Variants in DAB1 observed in about 807,000 individuals in gnomAD.
DAB1 encodes DAB adaptor protein 1.
A neutral mutation model predicts 64.6 loss-of-function variants in DAB1; 15 were observed. The observed-to-expected ratio is 0.23, with a 90% CI of 0.16 to 0.36. DAB1 has a LOEUF of 0.36. Among genes scored for constraint, DAB1 ranks in the 10% least tolerant of loss-of-function variants. DAB1 has a pLI of 1.00. For synonymous variants in DAB1, 235 were observed against 251.9 expected, an observed-to-expected ratio of 0.93 and a Z score of 0.64; for missense variants, 596 against 706.7, an observed-to-expected ratio of 0.84 and a Z score of 1.78.
At chr1:57,201,694 T>G (rs1400759117) in intron 2 of DAB1, among the ~76,000 whole-genome samples, 2 of 152,120 alleles carry the variant, frequency 1.3e-5, no homozygotes, top group Non-Finnish European at 1.5e-5. Flanking sequence ...GAACATAGTA[T>G]TTTCTCCCAA....
chr1:57,887,632 T>C (rs1644243822), upstream of DAB1, among the ~76,000 whole-genome samples: 1 of 152,202 alleles, frequency 6.6e-6, no homozygotes, highest in Admixed American at 6.5e-5. Context: ...TGCAAAATGA[T>C]AGAATCACCA....
At chr1:57,411,867 G>GT (rs1684140537) in intron 1 of DAB1, among the ~76,000 whole-genome samples, 1 of 152,306 alleles carries the variant, frequency 6.6e-6, no homozygotes, top group Non-Finnish European at 1.5e-5. Context: ...GAAGCACCTA[G>GT]TACAGACATA....
chr1:58,473,928 A>G (rs1225561315), intron 3 of DAB1: 37 of 1,210,002 alleles, frequency 3.1e-5, no homozygotes, highest in Non-Finnish European at 3.8e-5. Flanking sequence ...TAACTCTGCA[A>G]TCTGTTCTGG....
At position 57,291,085 on chromosome 1, in the gene DAB1, T is replaced by C. The variant is rs1330377933; in HGVS notation, c.-55A>G. ...GATCCCGGGCCTCGGCCAGGCTCAT[T>C]GAGGACTCTTCTCCAAGAGAAAGAC... On this transcript the variant is annotated 5_prime_UTR_variant, in exon 2 of 15. Transcript: ENST00000371236. 4.1e-6 allele frequency: 5 copies of C among 1,230,818 alleles called. No homozygotes were observed. The African/African-American group carries it at 7.6e-5, about 19-fold the overall frequency. 76.2% of individuals were successfully genotyped at this position (1,230,818 alleles called of 1,614,324 possible).
intron 4 of DAB1, among the ~76,000 whole-genome samples, chr1:58,188,278 G>A (rs1015677509): frequency 6.6e-6 from 1 of 152,196 alleles, no homozygotes; most frequent in Non-Finnish European, 1.5e-5. Context: ...ATCATACGCG[G>A]CTAGTATTCA....
At chr1:58,087,795 C>T (rs778095212) in intron 5 of DAB1, among the ~76,000 whole-genome samples, 7 of 152,192 alleles carry the variant, frequency 4.6e-5, no homozygotes, top group Non-Finnish European at 7.3e-5. Context: ...GCCTACGTAA[C>T]GACATCTATG....
chr1:57,250,486 T>A (rs2100516318), intron 2 of DAB1, among the ~76,000 whole-genome samples: 1 of 152,334 alleles, frequency 6.6e-6, no homozygotes, highest in African/African-American at 2.4e-5. Flanking sequence ...CCTTCCTCTA[T>A]CACATTATAA....
chr1:58,214,407 G>A (rs1247214388), intron 4 of DAB1, among the ~76,000 whole-genome samples: 2 of 152,160 alleles, frequency 1.3e-5, no homozygotes, highest in African/African-American at 2.4e-5. Flanking sequence ...GGCTGCACTT[G>A]GAGCTAAAAG....
chr1:57,617,291 G>T (rs531225619), intron 7 of DAB1, among the ~76,000 whole-genome samples: 1 of 152,182 alleles, frequency 6.6e-6, no homozygotes, highest in South Asian at 2.1e-4. Flanking sequence ...CAGTGTACGA[G>T]AGGTTAGCCC....
intron 11 of DAB1, among the ~76,000 whole-genome samples, chr1:57,022,857 A>G (rs1021488196): frequency 5.9e-5 from 9 of 152,280 alleles, no homozygotes; most frequent in Non-Finnish European, 1.2e-4. Flanking sequence ...GCCTGGCCAC[A>G]TGGAACGCCT....
At chr1:57,401,009 T>C in intron 1 of DAB1, among the ~76,000 whole-genome samples, 1 of 106,316 alleles carries the variant, frequency 9.4e-6, no homozygotes. Flanking sequence ...AAAAAAAAAG[T>C]GCCGAAAGGA....
In DAB1 at chr1:58,298,569, C is replaced by A. The variant is rs1467982586; in HGVS notation, n.309+44783G>T. ...CTCTCCAGCAGCTCTGTCATCACTC[C>A]CAGACTGGAGCTGCAGGTGCGGCAG... On this transcript the variant is annotated intron_variant and non_coding_transcript_variant, in intron 4 of 20. Coordinates refer to the DAB1 transcript ENST00000485760. 2.6e-5 allele frequency among the ~76,000 whole-genome samples: 4 copies of A among 152,342 alleles called. No homozygotes were observed. In the East Asian group the frequency reaches 5.8e-4, roughly 22 times the overall value.
At chr1:57,872,480 T>A (rs911042478) in intron 1 of DAB1, among the ~76,000 whole-genome samples, 1 of 152,192 alleles carries the variant, frequency 6.6e-6, no homozygotes, top group African/African-American at 2.4e-5. Context: ...GAGAAATAAA[T>A]TTCTGTTGTT....
rs763060862 is a variant in DAB1, at chr1:57,695,299, G to GGAAAGAAAGAAAGAAA, written n.552-45650_552-45635dup. ...AAGGAAGGAAGAAAGGGAGAGAGAA[G>GGAAAGAAAGAAAGAAA]GAAAGAAAGAAAGAAAGAAAGAAAG... is the stretch of plus-strand genomic sequence containing the variant. On this transcript the variant is annotated intron_variant and non_coding_transcript_variant, in intron 6 of 20. Transcript: ENST00000485760. Among the ~76,000 whole-genome samples, 53 of 37,186 alleles carry GGAAAGAAAGAAAGAAA rather than the reference G, an allele frequency of 1.4e-3. 2 individuals are homozygous for GGAAAGAAAGAAAGAAA. Among genetic ancestry groups the GGAAAGAAAGAAAGAAA allele is most frequent in the Non-Finnish European group, 1.8e-3 (27 of 14,888 alleles). The allele number at this position is 37,186 out of a possible 152,430, so 24.4% of individuals were successfully genotyped here. A position where few individuals can be genotyped will look rare whatever the true frequency, so the allele number is the denominator to read the frequency against.
At chr1:57,304,769 A>G (rs1362786115) in intron 1 of DAB1, among the ~76,000 whole-genome samples, 1 of 152,206 alleles carries the variant, frequency 6.6e-6, no homozygotes. Flanking sequence ...TTGCTATACC[A>G]TATAACTATT....
chr1:58,324,104 T>C (rs1211324388), intron 4 of DAB1, among the ~76,000 whole-genome samples: 1 of 152,082 alleles, frequency 6.6e-6, no homozygotes, highest in African/African-American at 2.4e-5. Flanking sequence ...TCAGAGGTAA[T>C]CTTAATTGTC....
intron 2 of DAB1, among the ~76,000 whole-genome samples, chr1:57,215,842 A>G (rs1666384720): frequency 6.6e-6 from 1 of 152,162 alleles, no homozygotes; most frequent in Admixed American, 6.5e-5. Context: ...CCCTATTTGG[A>G]AAAGGCCAAG....
At chr1:58,297,550 C>A (rs989260938) in intron 4 of DAB1, among the ~76,000 whole-genome samples, 8 of 152,114 alleles carry the variant, frequency 5.3e-5, no homozygotes, top group African/African-American at 1.9e-4. Flanking sequence ...GGCCCTTTCT[C>A]CACTTCTCCG....
At chr1:57,196,481 T>C (rs1241246963) in intron 2 of DAB1, among the ~76,000 whole-genome samples, 1 of 152,176 alleles carries the variant, frequency 6.6e-6, no homozygotes, top group Non-Finnish European at 1.5e-5. Flanking sequence ...TTAGCAAACA[T>C]GATTTGACCA....
Sources: gnomAD v4.1 joint callset for allele counts (sites outside exome capture counted in the v4.1 genomes callset) on GRCh38, gnomAD v4.1.1 for gene constraint, MANE v1.5 for transcripts, NCBI Gene and HGNC (gene_info 2026-07-23, HGNC 2026-07-21) for gene names.